Variants in OPA1 observed in about 807,000 individuals in gnomAD.
OPA1 encodes the protein OPA1 mitochondrial dynamin like GTPase.
In OPA1, 59 loss-of-function variants were observed where a neutral mutation model predicts 152.9. The ratio of observed to expected loss-of-function variants is 0.39; its 90% CI spans 0.31 to 0.48. OPA1 has a LOEUF of 0.48. Among genes scored for constraint, OPA1 ranks in the 20% least tolerant of loss-of-function variants. The pLI is 0.96. For synonymous variants in OPA1, 400 were observed against 389.9 expected (o/e 1.03, Z -0.31); for missense variants, 1,008 against 1,216.8 (o/e 0.83, Z 2.55).
At chr3:193,604,860 C>CAAAAAAAAAAAAAAAAAA (rs55904490) in intron 1 of OPA1, among the ~76,000 whole-genome samples, 2 of 104,588 alleles carry the variant, frequency 1.9e-5, no homozygotes, top group African/African-American at 7.7e-5. Flanking sequence ...AACTCCATCT[C>CAAAAAAAAAAAAAAAAAA]AAAAAAAAAA....
chr3:193,676,851 G>T (rs975268157), intron 29 of OPA1, among the ~76,000 whole-genome samples: 2 of 151,908 alleles, frequency 1.3e-5, no homozygotes, highest in Non-Finnish European at 2.9e-5. Flanking sequence ...CGTGGTGGCG[G>T]GCGCCTGTAG....
rs776296586 is a variant in OPA1 at position 193,648,152 on chromosome 3, G to C, written c.1935+18G>C. ...TTGACCGGGTAATATTTGGATACTC[G>C]TGTATTTTGTATATATCTTAATTTA... On this transcript the variant is annotated intron_variant, in intron 20 of 30. Coordinates refer to ENST00000361510, the MANE Select transcript of OPA1 (RefSeq NM_130837.3). The C allele has an allele frequency of 6.4e-7, 1 of 1,555,330 alleles. No individual in the cohort carries two copies. Among genetic ancestry groups the C allele is most frequent in the East Asian group, 2.2e-5 (1 of 44,566 alleles).
intron 29 of OPA1, among the ~76,000 whole-genome samples, chr3:193,676,947 C>G (rs1054856581): frequency 3.1e-4 from 43 of 140,754 alleles, no homozygotes; most frequent in South Asian, 4.5e-4. Flanking sequence ...CGCCACTGCA[C>G]TCCAGCCTGG....
At chr3:193,627,721 G>A (rs2108954462) in intron 7 of OPA1, among the ~76,000 whole-genome samples, 2 of 152,230 alleles carry the variant, frequency 1.3e-5, no homozygotes, top group South Asian at 4.1e-4. Context: ...AATGAATACT[G>A]ATTCATTTTC....
intron 29 of OPA1, among the ~76,000 whole-genome samples, chr3:193,689,825 A>G (rs1002591007): frequency 6.6e-6 from 1 of 152,218 alleles, no homozygotes; most frequent in Non-Finnish European, 1.5e-5. Flanking sequence ...ATATTTCTCA[A>G]TGAAATGTGG....
At chr3:193,612,182 A>G (rs2108851363) in intron 1 of OPA1, among the ~76,000 whole-genome samples, 1 of 151,884 alleles carries the variant, frequency 6.6e-6, no homozygotes, top group African/African-American at 2.4e-5. Context: ...GGCTAAGCTC[A>G]GTTTTAGACC....
rs759158013 is a variant in OPA1, at chr3:193,631,683, G to A, written c.843+18G>A. 6.3e-6 allele frequency: 10 copies of A among 1,599,496 alleles called. No homozygotes were observed. The highest frequency in any genetic ancestry group is 8.6e-6 in the Non-Finnish European group (10 of 1,168,052). On this transcript the variant is annotated intron_variant, in intron 8 of 30. Transcript: ENST00000361510. Reference sequence around the variant, plus strand: ...ACACTCAGGTAATCATGATGACTAAGAAAAACTAGGGACTTTTAAAAATTA... The same window carrying A: ...ACACTCAGGTAATCATGATGACTAAAAAAAACTAGGGACTTTTAAAAATTA...
rs147625432 is a variant in OPA1 at position 193,595,273 on chromosome 3, T to G, written c.32+1864T>G. ...ATAAGCATTTCTTTGGGCATACATA[T>G]GTAAATACATGCTCATGGACATGTG... On this transcript the variant is annotated intron_variant, in intron 1 of 30. Transcript: ENST00000361510. Among the ~76,000 whole-genome samples the G allele has an allele frequency of 5.6e-4, 86 of 152,332 alleles. No individual in the cohort carries two copies. The East Asian group carries it at 0.016, about 28-fold the overall frequency.
rs1255033715 is a variant in OPA1, at chr3:193,676,261, G to T, written c.2983+8981G>T. Among the ~76,000 whole-genome samples, 4 of 152,078 alleles carry T rather than the reference G, an allele frequency of 2.6e-5. No homozygotes were observed. In the East Asian group the frequency reaches 7.7e-4, roughly 29 times the overall value. The stretch of plus-strand genomic sequence containing the variant: ...TGATTTTTTTTTCCTCTTCACTACA[G>T]AATAAATAATGTATTTGTTTTATGG... On this transcript the variant is annotated intron_variant, in intron 29 of 30. Transcript: ENST00000361510.
At chr3:193,690,639 T>G (rs1346743871) in intron 29 of OPA1, among the ~76,000 whole-genome samples, 5 of 152,166 alleles carry the variant, frequency 3.3e-5, no homozygotes. Flanking sequence ...CAATTCTTCA[T>G]TTTCTTGGGT....
At chr3:193,613,511 A>G (rs966189221) in intron 1 of OPA1, among the ~76,000 whole-genome samples, 1 of 152,010 alleles carries the variant, frequency 6.6e-6, no homozygotes, top group Non-Finnish European at 1.5e-5. Flanking sequence ...TCCCCATACC[A>G]TTCTTCACAG....
chr3:193,639,301 T>A (rs553892052), intron 11 of OPA1, among the ~76,000 whole-genome samples: 1 of 152,268 alleles, frequency 6.6e-6, no homozygotes, highest in East Asian at 1.9e-4. Flanking sequence ...ATAAATATAA[T>A]ACATAATTGT....
At position 193,642,957 on chromosome 3, in the gene OPA1, T is replaced by C; in HGVS notation, c.1231-18T>C. On this transcript the variant is annotated intron_variant, in intron 12 of 30. Transcript: ENST00000361510. Reference sequence around the variant, plus strand: ...AAGATTTTCTTAGATTTTCTTAGGATTTTGTGTTTTCCATTAGCTTGCAGC... The same window carrying C: ...AAGATTTTCTTAGATTTTCTTAGGACTTTGTGTTTTCCATTAGCTTGCAGC... 1 of 1,609,656 alleles carries C rather than the reference T, an allele frequency of 6.2e-7. No homozygotes were observed. Among genetic ancestry groups the C allele is most frequent in the Non-Finnish European group, 8.5e-7 (1 of 1,175,950 alleles).
At chr3:193,636,642 C>T (rs1041268750) in intron 9 of OPA1, among the ~76,000 whole-genome samples, 13 of 152,032 alleles carry the variant, frequency 8.6e-5, no homozygotes, top group African/African-American at 2.2e-4. Flanking sequence ...CAGCAAGAAA[C>T]GATACAGGAT....
chr3:193,672,772 G>C (rs1392695049), intron 29 of OPA1, among the ~76,000 whole-genome samples: 1 of 150,810 alleles, frequency 6.6e-6, no homozygotes, highest in African/African-American at 2.4e-5. Flanking sequence ...GGGAGGCTGA[G>C]ACAGGAGAAT....
intron 29 of OPA1, among the ~76,000 whole-genome samples, chr3:193,688,715 C>T (rs762835564): frequency 1.3e-5 from 2 of 151,872 alleles, no homozygotes; most frequent in Non-Finnish European, 2.9e-5. Context: ...TGTAGTAGCT[C>T]ACGCCCTGTA....
chr3:193,684,814 G>A (rs1198019753), intron 29 of OPA1, among the ~76,000 whole-genome samples: 1 of 151,782 alleles, frequency 6.6e-6, no homozygotes, highest in African/African-American at 2.4e-5. Context: ...AATTAGAATT[G>A]CCATCCACTT....
chr3:193,613,284 G>T (rs1000346430), intron 1 of OPA1, among the ~76,000 whole-genome samples: 2 of 152,056 alleles, frequency 1.3e-5, no homozygotes, highest in Non-Finnish European at 2.9e-5. Context: ...CTAGGTTATG[G>T]TTTGTCCACA....
intron 16 of OPA1, 177 bp downstream of exon 16, chr3:193,644,282 G>A (rs542246323): frequency 1.9e-4 from 125 of 670,272 alleles, no homozygotes; most frequent in Non-Finnish European, 2.9e-4. Flanking sequence ...TATGAAGTCT[G>A]AAGGAAACCA....
Sources: gnomAD v4.1 joint callset for allele counts (sites outside exome capture counted in the v4.1 genomes callset) on GRCh38, gnomAD v4.1.1 for gene constraint, MANE v1.5 for transcripts, NCBI Gene and HGNC (gene_info 2026-07-23, HGNC 2026-07-21) for gene names.